The following APBA2 variants were observed in gnomAD, a reference collection of about 807,000 sequenced individuals.
The protein encoded by APBA2 is amyloid beta precursor protein binding family A member 2.
In APBA2, 30 loss-of-function variants were observed where a neutral mutation model predicts 75.0. That is an observed-to-expected ratio of 0.40 (90% CI 0.30 to 0.54). APBA2 has a LOEUF of 0.54. APBA2 is among the 20% of genes least tolerant of loss of function. The pLI is 0.49. For missense variants in APBA2, 801 were observed against 1,016.1 expected (o/e 0.79, Z 2.88); for synonymous variants, 444 against 409.6 (o/e 1.08, Z -1.01).
At chr15:29,052,397 G>C (rs1489648872) in intron 3 of APBA2, among the ~76,000 whole-genome samples, 1 of 150,340 alleles carries the variant, frequency 6.7e-6, no homozygotes, top group African/African-American at 2.5e-5. Context: ...GGAACTTGCA[G>C]TGAGCTGAGA....
In APBA2 at chr15:29,116,997, C is replaced by A. The variant is rs2045219804; in HGVS notation, c.2179-65C>A. On this transcript the variant is annotated intron_variant, in intron 14 of 14. Coordinates refer to ENST00000683413, the MANE Select transcript of APBA2 (RefSeq NM_001353788.2). ...CTGGGGGGTTTGCCTCTGTCCTTTG[C>A]TTTCACCTGATTGTGGGAGGGGAGG... 4.5e-6 allele frequency: 7 copies of A among 1,543,620 alleles called. No individual in the cohort carries two copies. The African/African-American group carries it at 5.4e-5, about 12-fold the overall frequency.
At chr15:29,010,967 T>G (rs896262904) in intron 3 of APBA2, among the ~76,000 whole-genome samples, 1 of 152,198 alleles carries the variant, frequency 6.6e-6, no homozygotes, top group Non-Finnish European at 1.5e-5. Context: ...AACTTTTTCA[T>G]CTTGCGAATC....
intron 2 of APBA2, among the ~76,000 whole-genome samples, chr15:28,994,678 T>C (rs1232706536): frequency 1.3e-5 from 2 of 152,204 alleles, no homozygotes; most frequent in Admixed American, 6.5e-5. Context: ...AACCCTCTGC[T>C]AGGGGTGTCT....
At chr15:29,081,316 G>C (rs562490574) in intron 6 of APBA2, among the ~76,000 whole-genome samples, 1 of 152,166 alleles carries the variant, frequency 6.6e-6, no homozygotes, top group African/African-American at 2.4e-5. Context: ...GGGATGTGGC[G>C]CATTCCAAAG....
chr15:29,108,117 A>G (rs2044526974), intron 12 of APBA2, among the ~76,000 whole-genome samples, 153 bp from the exon 13 acceptor site: 1 of 151,958 alleles, frequency 6.6e-6, no homozygotes, highest in South Asian at 2.1e-4. Context: ...CCCGCTGCAC[A>G]GAGGGGCTAC....
intron 4 of APBA2, chr15:29,070,718 C>T (rs2042581679): frequency 4.6e-6 from 1 of 215,114 alleles, no homozygotes; most frequent in Non-Finnish European, 9.5e-6. Context: ...TGAGACCTTC[C>T]ATCTGACCAG....
intron 1 of APBA2, among the ~76,000 whole-genome samples, chr15:28,905,120 T>C (rs1738421791): frequency 6.6e-6 from 1 of 152,188 alleles, no homozygotes; most frequent in Admixed American, 6.5e-5. Context: ...GCTGGCAGGC[T>C]GCCTTTTGAA....
intron 2 of APBA2, among the ~76,000 whole-genome samples, chr15:28,949,457 T>A (rs2035733004): frequency 6.6e-6 from 1 of 152,114 alleles, no homozygotes; most frequent in Non-Finnish European, 1.5e-5. Flanking sequence ...CTGGGAGCCG[T>A]GCCTATTCCA....
intron 2 of APBA2, among the ~76,000 whole-genome samples, chr15:28,969,852 G>A (rs1364392510): frequency 6.6e-6 from 1 of 152,238 alleles, no homozygotes; most frequent in Non-Finnish European, 1.5e-5. Flanking sequence ...GCCGAAGCCA[G>A]AATTGGAGGG....
chr15:28,962,309 C>T (rs1224309678), intron 2 of APBA2, among the ~76,000 whole-genome samples: 1 of 151,852 alleles, frequency 6.6e-6, no homozygotes, highest in Non-Finnish European at 1.5e-5. Flanking sequence ...CGGTGGCTCA[C>T]GCCTGTAATC....
At chr15:29,053,515 A>G (rs1265355437) in intron 3 of APBA2, among the ~76,000 whole-genome samples, 1 of 152,014 alleles carries the variant, frequency 6.6e-6, no homozygotes, top group East Asian at 1.9e-4. Flanking sequence ...TCTTCTGACC[A>G]TTTGTCTTGG....
At chr15:28,925,646 G>T (rs2034219937) in intron 2 of APBA2, among the ~76,000 whole-genome samples, 1 of 152,176 alleles carries the variant, frequency 6.6e-6, no homozygotes, top group South Asian at 2.1e-4. Context: ...TGTGTATTTT[G>T]CTGTAGTTGG....
intron 3 of APBA2, among the ~76,000 whole-genome samples, chr15:29,045,680 AAG>A (rs2041289261): frequency 6.6e-6 from 1 of 152,182 alleles, no homozygotes; most frequent in African/African-American, 2.4e-5. Flanking sequence ...GGCTATGCAA[AAG>A]AGATGCACAG....
Position 29,117,394 on chromosome 15 carries a change from C to T in APBA2, c.*261C>T. ...TTTGCCACGTTCTGGACTGTCTTCT[C>T]CCTGCACAAGCCAGGGTGTGTCTCG... On this transcript the variant is annotated 3_prime_UTR_variant, in exon 15 of 15. Transcript: ENST00000683413. The T allele has an allele frequency of 1.8e-6, 1 of 553,310 alleles. No homozygotes were observed. Among genetic ancestry groups the T allele is most frequent in the Non-Finnish European group, 3.3e-6 (1 of 307,602 alleles). The allele number at this position is 553,310 out of a possible 1,614,324, so 34.3% of individuals were successfully genotyped here.
At chr15:28,985,528 TGTC>T (rs1340531997) in intron 2 of APBA2, among the ~76,000 whole-genome samples, 2 of 152,222 alleles carry the variant, frequency 1.3e-5, no homozygotes, top group African/African-American at 4.8e-5. Flanking sequence ...TGATGTCTGT[TGTC>T]AGATCATGGC....
At chr15:28,945,345 G>C (rs191161549) in intron 2 of APBA2, among the ~76,000 whole-genome samples, 49 of 152,222 alleles carry the variant, frequency 3.2e-4, no homozygotes, top group Non-Finnish European at 5.4e-4. Flanking sequence ...TCTCGCAGCT[G>C]TCCAAGGCGC....
At chr15:29,117,022 G>A in intron 14 of APBA2, 40 bp from the exon 15 acceptor site, 1 of 1,600,844 alleles carries the variant, frequency 6.2e-7, no homozygotes, top group Non-Finnish European at 8.6e-7. Flanking sequence ...GGGAGGGGAG[G>A]TGGGAGGGCA....
chr15:28,895,337 G>T (rs1353011422), intron 1 of APBA2, among the ~76,000 whole-genome samples: 3 of 152,112 alleles, frequency 2.0e-5, no homozygotes, highest in Non-Finnish European at 4.4e-5. Context: ...TAGCTTTCTG[G>T]TCCTGCGTCA....
intron 3 of APBA2, among the ~76,000 whole-genome samples, chr15:29,027,997 A>G (rs1490865480): frequency 6.7e-6 from 1 of 148,996 alleles, no homozygotes; most frequent in Admixed American, 6.7e-5. Context: ...TTTTTTTTTA[A>G]TTTAATTTTT....
Sources: gnomAD v4.1 joint callset for allele counts (sites outside exome capture counted in the v4.1 genomes callset) on GRCh38, gnomAD v4.1.1 for gene constraint, MANE v1.5 for transcripts, NCBI Gene and HGNC (gene_info 2026-07-23, HGNC 2026-07-21) for gene names.